Variants in PTPRT observed in about 807,000 individuals in gnomAD.
PTPRT encodes the protein receptor-type tyrosine-protein phosphatase T.
PTPRT carries 56 observed loss-of-function variants against 176.8 expected under a neutral mutation model. The observed-to-expected ratio is 0.32, with a 90% CI of 0.26 to 0.40. PTPRT has a LOEUF of 0.40. Among genes scored for constraint, PTPRT ranks in the 10% least tolerant of loss-of-function variants. The pLI is 1.00. For synonymous variants in PTPRT, 783 were observed against 739.0 expected, an observed-to-expected ratio of 1.06 and a Z score of -0.96; for missense variants, 1,540 against 1,908.2, an observed-to-expected ratio of 0.81 and a Z score of 3.60.
At chr20:42,342,864 A>G (rs1312527901) in intron 11 of PTPRT, among the ~76,000 whole-genome samples, 3 of 152,220 alleles carry the variant, frequency 2.0e-5, no homozygotes, top group African/African-American at 4.8e-5. Flanking sequence ...AGTAGGCTGT[A>G]TCTCCAATTG....
At chr20:42,228,913 G>A (rs1173364618) in intron 15 of PTPRT, among the ~76,000 whole-genome samples, 6 of 152,202 alleles carry the variant, frequency 3.9e-5, no homozygotes, top group Non-Finnish European at 8.8e-5. Context: ...GTAAGTCAAT[G>A]GGTGAAGGAA....
chr20:43,158,745 A>C (rs1381088484), intron 1 of PTPRT, among the ~76,000 whole-genome samples: 8 of 152,180 alleles, frequency 5.3e-5, no homozygotes, highest in Non-Finnish European at 1.2e-4. Flanking sequence ...ATAGGAAGCC[A>C]GTTGTGGGGA....
At chr20:42,706,893 C>T (rs1437894141) in intron 6 of PTPRT, among the ~76,000 whole-genome samples, 1 of 152,158 alleles carries the variant, frequency 6.6e-6, no homozygotes, top group East Asian at 1.9e-4. Context: ...AAACACTATA[C>T]TGGAATAGGG....
chr20:42,954,680 G>C (rs1981506872), intron 1 of PTPRT, among the ~76,000 whole-genome samples: 1 of 152,148 alleles, frequency 6.6e-6, no homozygotes, highest in Middle Eastern at 3.2e-3. Context: ...AGAAAGGGAA[G>C]CAAAAGAGAT....
At chr20:42,324,173 G>C (rs1004766274) in intron 11 of PTPRT, among the ~76,000 whole-genome samples, 1 of 152,158 alleles carries the variant, frequency 6.6e-6, no homozygotes, top group Non-Finnish European at 1.5e-5. Context: ...CTATGCAATA[G>C]AATATTATTC....
chr20:42,288,422 G>A (rs1300815538), intron 12 of PTPRT, among the ~76,000 whole-genome samples: 1 of 151,950 alleles, frequency 6.6e-6, no homozygotes, highest in Non-Finnish European at 1.5e-5. Flanking sequence ...ATTATGGAAT[G>A]CTGAGGTTAG....
chr20:42,385,912 C>G (rs2058740137), intron 9 of PTPRT, among the ~76,000 whole-genome samples: 1 of 152,122 alleles, frequency 6.6e-6, no homozygotes, highest in Non-Finnish European at 1.5e-5. Flanking sequence ...CATAGCAAGA[C>G]CATATCAGAA....
chr20:42,044,432 T>A, the PTPRT span, among the ~76,000 whole-genome samples: 9 of 152,150 alleles, frequency 5.9e-5, no homozygotes, highest in Non-Finnish European at 1.2e-4. Flanking sequence ...CACACACCAA[T>A]CGAGAGGACT....
intron 1 of PTPRT, among the ~76,000 whole-genome samples, chr20:43,172,604 C>T (rs2015029605): frequency 6.6e-6 from 1 of 152,206 alleles, no homozygotes; most frequent in South Asian, 2.1e-4. Context: ...CTCCACTGAA[C>T]TCCCAGCAAT....
At chr20:42,544,023 G>A (rs6065507) in intron 7 of PTPRT, among the ~76,000 whole-genome samples, 74,674 of 151,906 alleles carry the variant, frequency 0.49, 18,477 homozygotes, top group African/African-American at 0.54. Context: ...ATTTAGCGTA[G>A]TGTTTAAGAG....
In PTPRT at chr20:42,110,330, T is replaced by C. The variant is rs770959180; in HGVS notation, c.3254+3A>G. On this transcript the variant is annotated splice_donor_region_variant and intron_variant, in intron 23 of 30. Transcript: ENST00000373187. ...CTCCCAAGGTGAAGGACCTTTGACT[T>C]ACCTGCAGTGGACCACTATGGGCCC... 28 of 1,604,736 alleles carry C rather than the reference T, an allele frequency of 1.7e-5. No individual in the cohort carries two copies. The highest frequency in any genetic ancestry group is 1.7e-4 in the Middle Eastern group (1 of 6,016).
At chr20:42,816,319 C>T (rs909245292) in intron 2 of PTPRT, among the ~76,000 whole-genome samples, 1 of 152,122 alleles carries the variant, frequency 6.6e-6, no homozygotes, top group African/African-American at 2.4e-5. Context: ...AAGATATGCT[C>T]GAGTCCAGCA....
At chr20:42,234,902 T>C (rs1433324559) in intron 15 of PTPRT, among the ~76,000 whole-genome samples, 1 of 152,184 alleles carries the variant, frequency 6.6e-6, no homozygotes, top group Non-Finnish European at 1.5e-5. Context: ...GCTGGCTCCA[T>C]CTTTATCTAT....
chr20:42,214,171 G>T (rs935801049), intron 15 of PTPRT, among the ~76,000 whole-genome samples: 15 of 152,170 alleles, frequency 9.9e-5, no homozygotes, highest in African/African-American at 3.4e-4. Flanking sequence ...AAACCCTCCA[G>T]TCAGGCTTCT....
chr20:43,159,337 T>C (rs2014619605), intron 1 of PTPRT, among the ~76,000 whole-genome samples: 1 of 152,112 alleles, frequency 6.6e-6, no homozygotes, highest in African/African-American at 2.4e-5. Flanking sequence ...CATACTGCAG[T>C]GGTAAGGCCC....
chr20:42,184,541 C>CTCTTCTTCTTCTTCTTCTTGTTCT, intron 16 of PTPRT, among the ~76,000 whole-genome samples: 1 of 91,546 alleles, frequency 1.1e-5, no homozygotes, highest in East Asian at 4.3e-4. Flanking sequence ...CTTCCTCTTC[C>CTCTTCTTCTTCTTCTTCTTGTTCT]TCTTCTTCTT....
intron 1 of PTPRT, among the ~76,000 whole-genome samples, chr20:43,047,209 C>T (rs1039877861): frequency 2.6e-5 from 4 of 152,140 alleles, no homozygotes; most frequent in African/African-American, 4.8e-5. Flanking sequence ...CACAGTGCTG[C>T]GCTTGAGCTC....
At chr20:42,189,715 AC>A (rs1353027068) in intron 16 of PTPRT, among the ~76,000 whole-genome samples, 1 of 152,154 alleles carries the variant, frequency 6.6e-6, no homozygotes, top group East Asian at 1.9e-4. Flanking sequence ...ATTAAAGGCC[AC>A]GGGCCCAATT....
chr20:43,118,615 T>C (rs2013144637), intron 1 of PTPRT, among the ~76,000 whole-genome samples: 1 of 152,182 alleles, frequency 6.6e-6, no homozygotes, highest in South Asian at 2.1e-4. Context: ...AATTTTTGTA[T>C]TTTTAGTAGA....
Sources: allele counts gnomAD v4.1 joint callset (sites outside exome capture counted in the v4.1 genomes callset), GRCh38; gene constraint gnomAD v4.1.1; transcripts MANE v1.5; gene names NCBI Gene and HGNC (gene_info 2026-07-23, HGNC 2026-07-21).